Variants in SLC38A11 observed in about 807,000 individuals in gnomAD.
SLC38A11 encodes putative sodium-coupled neutral amino acid transporter 11.
Under a neutral mutation model 49.4 loss-of-function variants are expected in SLC38A11, and 51 were observed. The observed-to-expected ratio is 1.03, with a 90% CI of 0.83 to 1.30. The LOEUF (loss-of-function observed/expected upper bound fraction) is 1.30, where lower values mean the gene tolerates loss of function less well. Ranked by LOEUF, SLC38A11 falls within the 50% of genes most tolerant of loss-of-function variation. SLC38A11 has a pLI of 0.00. For missense variants in SLC38A11, 574 were observed against 556.2 expected, an observed-to-expected ratio of 1.03 and a Z score of -0.32; for synonymous variants, 203 against 192.9, an observed-to-expected ratio of 1.05 and a Z score of -0.43.
At chr2:164,910,995 A>G (rs916439985) in intron 10 of SLC38A11, among the ~76,000 whole-genome samples, 9 of 151,874 alleles carry the variant, frequency 5.9e-5, no homozygotes, top group Non-Finnish European at 1.2e-4. Context: ...CAATATATTT[A>G]TATGTAAATA....
At position 164,897,501 on chromosome 2, in the gene SLC38A11, G is replaced by A. The variant is rs1035406893; in HGVS notation, c.*936C>T. The A allele has an allele frequency of 1.3e-5, 2 of 152,194 alleles. No individual in the cohort carries two copies. Among genetic ancestry groups the A allele is most frequent in the Non-Finnish European group, 2.9e-5 (2 of 68,116 alleles). The allele number at this position is 152,194 out of a possible 1,614,324, so 9.4% of individuals were successfully genotyped here. A position where few individuals can be genotyped will look rare whatever the true frequency, so the allele number is the denominator to read the frequency against. ...TCCTGCTTTCCCCTCTCTCCCATTA[G>A]TTATGATAAACTCCATCTCACTATC... On this transcript the variant is annotated 3_prime_UTR_variant, in exon 12 of 12. Transcript: ENST00000685975.
chr2:164,950,229 TG>T (rs568043925), intron 3 of SLC38A11: 141 of 152,338 alleles, frequency 9.3e-4, no homozygotes, highest in African/African-American at 3.3e-3. Context: ...GCAACAGAGT[TG>T]GCATTGATTC....
At position 164,947,117 on chromosome 2, in the gene SLC38A11, C is replaced by CT. The variant is rs200284770; in HGVS notation, c.230-1391dup. Among the ~76,000 whole-genome samples the CT allele has an allele frequency of 6.1e-3, 441 of 72,772 alleles. 35 individuals carry two copies. Among genetic ancestry groups the CT allele is most frequent in the Non-Finnish European group, 7.4e-3 (313 of 42,064 alleles). 47.7% of individuals were successfully genotyped at this position (72,772 alleles called of 152,430 possible). ...CCTGGATTCTTGGACTTTTTTATCT[C>CT]TTTTTTTTTTTTTTTTTTTTTTTTT... is the stretch of plus-strand genomic sequence containing the variant. On this transcript the variant is annotated intron_variant, in intron 3 of 11. Coordinates refer to ENST00000685975, the MANE Select transcript of SLC38A11 (RefSeq NM_001351537.2).
intron 7 of SLC38A11, among the ~76,000 whole-genome samples, chr2:164,934,044 T>G (rs1687189651): frequency 6.6e-6 from 1 of 152,124 alleles, no homozygotes; most frequent in Non-Finnish European, 1.5e-5. Flanking sequence ...ACAACAGAAC[T>G]AAATAGCTAT....
chr2:164,934,251 C>T (rs971653904), intron 7 of SLC38A11, among the ~76,000 whole-genome samples: 9 of 151,904 alleles, frequency 5.9e-5, no homozygotes, highest in African/African-American at 2.2e-4. Context: ...ACACTTTGTA[C>T]ATAAAAAATA....
intron 7 of SLC38A11, 38 bp downstream of exon 7, chr2:164,937,312 A>G: frequency 2.2e-6 from 3 of 1,369,008 alleles, no homozygotes; most frequent in Non-Finnish European, 3.1e-6. Flanking sequence ...TGTGGAGGCT[A>G]TAAATCAAAG....
In SLC38A11 at chr2:164,937,335, A is replaced by G; in HGVS notation, c.617+15T>C. 6.4e-7 allele frequency: 1 copy of G among 1,560,374 alleles called. No homozygotes were observed. Among genetic ancestry groups the G allele is most frequent in the Non-Finnish European group, 8.8e-7 (1 of 1,132,820 alleles). The stretch of plus-strand genomic sequence containing the variant: ...CTATAAATCAAAGACTGACAAATAT[A>G]ACAACATAACTTACATGTGTGGACC... On this transcript the variant is annotated intron_variant, in intron 7 of 11. Transcript: ENST00000685975.
intron 7 of SLC38A11, among the ~76,000 whole-genome samples, chr2:164,936,527 T>C (rs1007410507): frequency 3.9e-5 from 6 of 152,188 alleles, no homozygotes; most frequent in African/African-American, 1.4e-4. Flanking sequence ...TTAATTTTTC[T>C]TTGCCTCTTT....
At chr2:164,898,907 A>G (rs997416423) in intron 11 of SLC38A11, among the ~76,000 whole-genome samples, 177 bp from the exon 12 acceptor site, 2 of 152,212 alleles carry the variant, frequency 1.3e-5, no homozygotes, top group African/African-American at 4.8e-5. Flanking sequence ...AATAGGCATT[A>G]CCTTTTCCAC....
chr2:164,923,805 A>T (rs1036648126), intron 7 of SLC38A11, among the ~76,000 whole-genome samples: 3 of 131,924 alleles, frequency 2.3e-5, no homozygotes, highest in African/African-American at 1.2e-4. Context: ...TTGAAAAATA[A>T]AAAAAAAAAA....
chr2:164,943,763 A>G (rs942821403), intron 5 of SLC38A11, among the ~76,000 whole-genome samples: 1 of 152,182 alleles, frequency 6.6e-6, no homozygotes, highest in Non-Finnish European at 1.5e-5. Context: ...CTACAGGCAC[A>G]TGCTACTGTG....
chr2:164,926,108 G>A (rs1423941466), intron 7 of SLC38A11, among the ~76,000 whole-genome samples: 1 of 152,120 alleles, frequency 6.6e-6, no homozygotes, highest in Non-Finnish European at 1.5e-5. Context: ...TTGCCTGGAT[G>A]CTTGGTTTGC....
chr2:164,925,857 T>C (rs904983997), intron 7 of SLC38A11, among the ~76,000 whole-genome samples: 2 of 152,152 alleles, frequency 1.3e-5, no homozygotes, highest in Admixed American at 1.3e-4. Context: ...TAATAAGTGT[T>C]AGTTTGCTGG....
intron 7 of SLC38A11, among the ~76,000 whole-genome samples, chr2:164,925,692 A>T (rs1686524584): frequency 6.6e-6 from 1 of 152,202 alleles, no homozygotes; most frequent in African/African-American, 2.4e-5. Context: ...CAGCGTATTC[A>T]TAATTCTATT....
chr2:164,899,777 T>C (rs949506863), intron 11 of SLC38A11, among the ~76,000 whole-genome samples: 1 of 152,110 alleles, frequency 6.6e-6, no homozygotes, highest in African/African-American at 2.4e-5. Context: ...TCATCTCACA[T>C]AATTACTTCT....
chr2:164,913,141 A>G (rs1685516300), intron 9 of SLC38A11, among the ~76,000 whole-genome samples: 1 of 152,008 alleles, frequency 6.6e-6, no homozygotes, highest in Non-Finnish European at 1.5e-5. Context: ...GCCTCTTCCC[A>G]AGATTTACTT....
intron 2 of SLC38A11, among the ~76,000 whole-genome samples, 183 bp downstream of exon 2, chr2:164,954,447 AG>A: frequency 6.6e-6 from 1 of 152,338 alleles, no homozygotes; most frequent in African/African-American, 2.4e-5. Context: ...CCCCATCTTC[AG>A]CATAAAAGAC....
At chr2:164,930,135 T>C (rs566202343) in intron 7 of SLC38A11, among the ~76,000 whole-genome samples, 1 of 151,824 alleles carries the variant, frequency 6.6e-6, no homozygotes, top group African/African-American at 2.4e-5. Context: ...TCCATGCACA[T>C]AAACTAGAAA....
chr2:164,918,756 C>CA (rs1241371924), intron 7 of SLC38A11, among the ~76,000 whole-genome samples: 2 of 152,078 alleles, frequency 1.3e-5, no homozygotes, highest in Admixed American at 1.3e-4. Context: ...TTACTGGATA[C>CA]AAGTTCAATA....
Sources: gnomAD v4.1 joint callset for allele counts (sites outside exome capture counted in the v4.1 genomes callset) on GRCh38, gnomAD v4.1.1 for gene constraint, MANE v1.5 for transcripts, NCBI Gene and HGNC (gene_info 2026-07-23, HGNC 2026-07-21) for gene names.